CDYL: variants seen among roughly 807,000 people sequenced by gnomAD.
CDYL encodes chromodomain Y like.
In CDYL, 8 loss-of-function variants were observed where a neutral mutation model predicts 47.3. The observed-to-expected ratio is 0.17, with a 90% confidence interval of 0.10 to 0.31. The LOEUF (loss-of-function observed/expected upper bound fraction) is 0.31. CDYL is among the 10% of genes least tolerant of loss of function. The probability of loss-of-function intolerance (pLI) is 1.00; values close to 1 mark genes in which losing one functional copy is unlikely to be tolerated. For synonymous variants in CDYL, 266 were observed against 265.0 expected (o/e 1.00, Z -0.04); for missense variants, 471 against 701.4 (o/e 0.67, Z 3.71).
intron 1 of CDYL, among the ~76,000 whole-genome samples, chr6:4,713,541 T>C (rs1028419564): frequency 1.5e-4 from 23 of 152,148 alleles, no homozygotes; most frequent in African/African-American, 5.5e-4. Flanking sequence ...TCAGTATGAC[T>C]TAATTAAAAA....
chr6:4,711,938 A>AC (rs1426059470), intron 1 of CDYL, among the ~76,000 whole-genome samples: 1 of 152,102 alleles, frequency 6.6e-6, no homozygotes, highest in African/African-American at 2.4e-5. Context: ...GGTGGTATGC[A>AC]CCTGTAGATC....
chr6:4,745,049 C>T (rs1180416396), intron 3 of CDYL, among the ~76,000 whole-genome samples: 3 of 152,204 alleles, frequency 2.0e-5, no homozygotes, highest in African/African-American at 7.2e-5. Flanking sequence ...GCCTCAGTCT[C>T]AAACTCCTAG....
intron 3 of CDYL, among the ~76,000 whole-genome samples, chr6:4,736,363 A>G (rs1317195926): frequency 6.6e-6 from 1 of 152,238 alleles, no homozygotes; most frequent in African/African-American, 2.4e-5. Context: ...TGTTGCGTAC[A>G]TTCATAATTG....
At chr6:4,828,734 A>G (rs1760052054) in intron 1 of CDYL, among the ~76,000 whole-genome samples, 1 of 152,130 alleles carries the variant, frequency 6.6e-6, no homozygotes, top group South Asian at 2.1e-4. Flanking sequence ...CAAGTCTTCC[A>G]TAATTTATTT....
chr6:4,945,615 C>T lies in CDYL; in HGVS notation c.1332+1859C>T, dbSNP rs3789794. 2.0e-4 allele frequency among the ~76,000 whole-genome samples: 31 copies of T among 152,340 alleles called. 1 individual carries two copies. The East Asian group carries it at 5.8e-3, about 28-fold the overall frequency. ...TGATCAGGAGAGGAACAAGCAGCACCGGCCTGCATCCCATTTCCCAGGCCA... is the reference window on the plus strand; with the variant it reads ...TGATCAGGAGAGGAACAAGCAGCACTGGCCTGCATCCCATTTCCCAGGCCA... On this transcript the variant is annotated intron_variant, in intron 5 of 6. Transcript: ENST00000397588.
At chr6:4,928,996 C>A (rs1757956708) in intron 2 of CDYL, among the ~76,000 whole-genome samples, 1 of 152,114 alleles carries the variant, frequency 6.6e-6, no homozygotes, top group South Asian at 2.1e-4. Flanking sequence ...GCAGTTGGTG[C>A]AGGTTCATTT....
At position 4,935,726 on chromosome 6, in the gene CDYL, C is replaced by G; in HGVS notation, c.903C>G (p.Ile301Met). 1 of 1,614,264 alleles carries G rather than the reference C, an allele frequency of 6.2e-7. No individual in the cohort carries two copies. Among genetic ancestry groups the G allele is most frequent in the Non-Finnish European group, 8.5e-7 (1 of 1,180,048 alleles). ...GGAAGCAGGATGGCTTCACCCACAT[C>G]TTGTTATCCACAAAGTCCTCAGAGA... The part of the protein sequence containing the change: ...VVRKQDGFTH[I>M]LLSTKSSENN... The change falls in exon 3 of 7, where the codon ATC (isoleucine) becomes ATG (methionine). Residue 301 changes from isoleucine to methionine, a missense_variant. This residue lies in a region of CDYL where 103 missense variants were observed against 277.1 expected (regional missense o/e 0.37). Coordinates refer to ENST00000397588, the MANE Select transcript of CDYL (RefSeq NM_004824.4).
intron 1 of CDYL, among the ~76,000 whole-genome samples, chr6:4,890,724 A>G (rs1420023338): frequency 6.6e-6 from 1 of 152,236 alleles, no homozygotes; most frequent in African/African-American, 2.4e-5. Context: ...CCAGAAATGT[A>G]CTGACGTTCT....
In CDYL at chr6:4,721,976, C is replaced by T. The variant is rs546872486; in HGVS notation, c.103+6095C>T. On this transcript the variant is annotated intron_variant, in intron 2 of 8. Coordinates refer to the CDYL transcript ENST00000328908. ...CTCCCGGGTTCACACCATTCTCCTG[C>T]CTCAGCCTCCTGACTAGCTGGGATT... 3.9e-5 allele frequency among the ~76,000 whole-genome samples: 6 copies of T among 152,138 alleles called. No individual in the cohort carries two copies. The South Asian group carries it at 8.3e-4, about 21-fold the overall frequency.
intron 1 of CDYL, among the ~76,000 whole-genome samples, chr6:4,885,092 C>T (rs1761866466): frequency 6.6e-6 from 1 of 152,088 alleles, no homozygotes; most frequent in Non-Finnish European, 1.5e-5. Flanking sequence ...CTCCTTGGCT[C>T]AAGTAATCCT....
chr6:4,792,302 T>C (rs1336844931), intron 1 of CDYL, among the ~76,000 whole-genome samples: 1 of 152,138 alleles, frequency 6.6e-6, no homozygotes, highest in Non-Finnish European at 1.5e-5. Context: ...TTCTAATCTT[T>C]GCTACTATAT....
At chr6:4,945,790 G>A (rs1758495728) in intron 5 of CDYL, among the ~76,000 whole-genome samples, 1 of 152,248 alleles carries the variant, frequency 6.6e-6, no homozygotes, top group South Asian at 2.1e-4. Flanking sequence ...TGCTATATGT[G>A]ACTTAGCCAC....
intron 1 of CDYL, among the ~76,000 whole-genome samples, chr6:4,874,016 A>T (rs1284972273): frequency 1.3e-5 from 2 of 152,146 alleles, no homozygotes; most frequent in Non-Finnish European, 2.9e-5. Flanking sequence ...CCACAGAGTA[A>T]GATTGTTTTA....
intron 2 of CDYL, among the ~76,000 whole-genome samples, chr6:4,918,621 A>G (rs1581263513): frequency 6.6e-6 from 1 of 152,224 alleles, no homozygotes; most frequent in Non-Finnish European, 1.5e-5. Flanking sequence ...AAATAGCATG[A>G]ATTTGCGTCT....
At chr6:4,932,360 G>A (rs571451149) in intron 2 of CDYL, among the ~76,000 whole-genome samples, 2 of 152,204 alleles carry the variant, frequency 1.3e-5, no homozygotes, top group East Asian at 1.9e-4. Flanking sequence ...AAGAGCCAGG[G>A]GGTGTCGGCC....
At chr6:4,934,697 A>G (rs1228799750) in intron 2 of CDYL, among the ~76,000 whole-genome samples, 2 of 152,230 alleles carry the variant, frequency 1.3e-5, no homozygotes, top group African/African-American at 4.8e-5. Context: ...ACAGTGGTTC[A>G]TGCCTGTACA....
intron 1 of CDYL, among the ~76,000 whole-genome samples, chr6:4,796,444 A>G (rs566079515): frequency 5.4e-4 from 82 of 152,130 alleles, no homozygotes; most frequent in African/African-American, 1.9e-3. Flanking sequence ...TGTCAAATGT[A>G]TTTTCTTTAT....
At chr6:4,775,043 G>T (rs892927727), upstream of CDYL, among the ~76,000 whole-genome samples, 1 of 152,188 alleles carries the variant, frequency 6.6e-6, no homozygotes, top group African/African-American at 2.4e-5. The surrounding 1 kb of genome is among the most constrained non-coding windows in gnomAD (Gnocchi z 7.0). Context: ...TTGTTGAAAC[G>T]CTGTTGGGGG....
chr6:4,894,851 G>GTGTGTGTGTGTGTGTGTA (rs1561692179), intron 2 of CDYL, among the ~76,000 whole-genome samples: 17 of 104,346 alleles, frequency 1.6e-4, no homozygotes, highest in African/African-American at 5.0e-4. Flanking sequence ...GTGTGTGTGT[G>GTGTGTGTGTGTGTGTGTA]TGTGTATATG....
Sources: gnomAD v4.1 joint callset for allele counts (sites outside exome capture counted in the v4.1 genomes callset) on GRCh38, gnomAD v4.1.1 for gene constraint, gnomAD v4.1.1 regional missense constraint, Gnocchi (gnomAD v3.1) non-coding constraint, MANE v1.5 for transcripts, NCBI Gene and HGNC (gene_info 2026-07-23, HGNC 2026-07-21) for gene names.